RNF125: variants seen among roughly 807,000 people sequenced by gnomAD.
RNF125 encodes the protein ring finger protein 125, also known as E3 ubiquitin-protein ligase RNF125.
In RNF125, 21 loss-of-function variants were observed where a neutral mutation model predicts 26.0. That is an observed-to-expected ratio of 0.81 (90% CI 0.57 to 1.16). RNF125 has a LOEUF of 1.16. Ranked by LOEUF, RNF125 falls within the 50% of genes most tolerant of loss-of-function variation. RNF125 has a pLI of 0.00. For missense variants in RNF125, 270 were observed against 299.4 expected (o/e 0.90, Z 0.72); for synonymous variants, 95 against 109.2 (o/e 0.87, Z 0.81).
intron 1 of RNF125, 77 bp downstream of exon 1, chr18:32,019,104 A>C: frequency 6.5e-7 from 1 of 1,541,574 alleles, no homozygotes. Context: ...TGGTGTGGGG[A>C]AGGAGGGGGA....
the RNF125 span, among the ~76,000 whole-genome samples, chr18:32,088,346 T>C: frequency 6.6e-6 from 1 of 152,208 alleles, no homozygotes; most frequent in South Asian, 2.1e-4. Flanking sequence ...GTTCACTTCT[T>C]CAAAGGCAAT....
intron 4 of RNF125, among the ~76,000 whole-genome samples, chr18:32,060,859 C>T (rs575536593): frequency 9.9e-5 from 15 of 152,238 alleles, no homozygotes; most frequent in African/African-American, 3.6e-4. Flanking sequence ...CTGAAGACTC[C>T]ACTAGTTGCC....
At chr18:32,030,686 A>G (rs2039084631) in intron 1 of RNF125, among the ~76,000 whole-genome samples, 2 of 152,196 alleles carry the variant, frequency 1.3e-5, no homozygotes, top group Non-Finnish European at 2.9e-5. Flanking sequence ...GGGAATGGGT[A>G]TTTATCAAAT....
the RNF125 span, among the ~76,000 whole-genome samples, chr18:32,083,104 G>A: frequency 2.6e-5 from 4 of 152,184 alleles, no homozygotes; most frequent in East Asian, 5.8e-4. Flanking sequence ...GATGGTACAT[G>A]TCCTGTGTTT....
chr18:32,034,665 C>T (rs2039134658), intron 1 of RNF125, among the ~76,000 whole-genome samples: 1 of 152,036 alleles, frequency 6.6e-6, no homozygotes, highest in Admixed American at 6.6e-5. Context: ...GTAATCCCAG[C>T]ATTTTGGGAG....
intron 4 of RNF125, among the ~76,000 whole-genome samples, chr18:32,059,669 GTAT>G (rs766440116): frequency 7.2e-5 from 11 of 152,212 alleles, no homozygotes; most frequent in African/African-American, 2.4e-4. Context: ...TGTTTGTGGG[GTAT>G]TATTCCAGAA....
intron 1 of RNF125, among the ~76,000 whole-genome samples, chr18:32,026,287 C>T (rs1256848730): frequency 3.5e-5 from 4 of 115,080 alleles, no homozygotes; most frequent in Non-Finnish European, 6.5e-5. Context: ...CTTGCTCTGT[C>T]GTCCAGGCTA....
At chr18:32,073,625 C>G (rs74477752), downstream of RNF125, among the ~76,000 whole-genome samples, 1 of 152,216 alleles carries the variant, frequency 6.6e-6, no homozygotes, top group Non-Finnish European at 1.5e-5. Context: ...TAGATAGATT[C>G]TTCCCCCTGC....
chr18:32,054,947 T>A (rs1213241301), intron 4 of RNF125, among the ~76,000 whole-genome samples: 1 of 152,172 alleles, frequency 6.6e-6, no homozygotes, highest in African/African-American at 2.4e-5. Context: ...CTACTTTAGA[T>A]ATGAAAAATT....
Position 32,071,817 on chromosome 18 carries a change from A to G in RNF125, c.*3433A>G, listed in dbSNP as rs2039536570. 1 of 152,188 alleles carries G rather than the reference A, an allele frequency of 6.6e-6. No individual in the cohort carries two copies. The highest frequency in any genetic ancestry group is 2.4e-5 in the African/African-American group (1 of 41,442). 9.4% of individuals were successfully genotyped at this position (152,188 alleles called of 1,614,324 possible). A position where few individuals can be genotyped will look rare whatever the true frequency, so the allele number is the denominator to read the frequency against. On this transcript the variant is annotated 3_prime_UTR_variant, in exon 6 of 6. Coordinates refer to ENST00000217740, the MANE Select transcript of RNF125 (RefSeq NM_017831.4). Reference sequence around the variant, plus strand: ...GATATTGATTTTAAGTTTGCTTTTCACAGCTGCTAAAAAGTAACAACTGAT... The same window carrying G: ...GATATTGATTTTAAGTTTGCTTTTCGCAGCTGCTAAAAAGTAACAACTGAT...
In RNF125 at chr18:32,070,851, T is replaced by G. The variant is rs964517569; in HGVS notation, c.*2467T>G. The G allele has an allele frequency of 2.6e-5, 4 of 151,290 alleles. No homozygotes were observed. Among genetic ancestry groups the G allele is most frequent in the African/African-American group, 9.7e-5 (4 of 41,126 alleles). The allele number at this position is 151,290 out of a possible 1,614,324, so 9.4% of individuals were successfully genotyped here. ...TCCCGAGTAGCTGGGATTATAGGCA[T>G]GCGCCACCACGCCCTGCTAATTTTG... On this transcript the variant is annotated 3_prime_UTR_variant, in exon 6 of 6. Coordinates refer to ENST00000217740, the MANE Select transcript of RNF125 (RefSeq NM_017831.4).
intron 4 of RNF125, among the ~76,000 whole-genome samples, chr18:32,058,964 G>A (rs2039411440): frequency 2.0e-5 from 3 of 152,106 alleles, no homozygotes; most frequent in African/African-American, 4.8e-5. Flanking sequence ...AATCTCATTC[G>A]TTTTTATGAC....
intron 2 of RNF125, 110 bp from the exon 3 acceptor site, chr18:32,042,069 C>A: frequency 1.4e-6 from 1 of 728,126 alleles, no homozygotes; most frequent in Non-Finnish European, 2.4e-6. Context: ...TCTATTTAGT[C>A]AGTTGATCCC....
chr18:32,038,174 G>C (rs112151377), intron 2 of RNF125, among the ~76,000 whole-genome samples: 2,055 of 150,008 alleles, frequency 0.014, 48 homozygotes, highest in African/African-American at 0.048. Flanking sequence ...TCAGCTTCCC[G>C]AGTAGCTGGG....
chr18:32,038,790 G>C (rs1436758992), intron 2 of RNF125, among the ~76,000 whole-genome samples: 1 of 152,046 alleles, frequency 6.6e-6, no homozygotes, highest in Non-Finnish European at 1.5e-5. Flanking sequence ...ATTTGAGACA[G>C]AGTCGCACTC....
At chr18:32,062,953 C>T (rs2039448139) in intron 4 of RNF125, among the ~76,000 whole-genome samples, 1 of 152,092 alleles carries the variant, frequency 6.6e-6, no homozygotes. Flanking sequence ...GGTGGGGTGG[C>T]TCATGCTTGT....
chr18:32,024,609 ATT>A (rs2039016065), intron 1 of RNF125, among the ~76,000 whole-genome samples: 1 of 151,810 alleles, frequency 6.6e-6, no homozygotes. Flanking sequence ...CCCTGCTAAA[ATT>A]TTATTTTTTT....
At chr18:32,051,615 TAAA>T (rs71177836) in intron 4 of RNF125, among the ~76,000 whole-genome samples, 17 of 78,974 alleles carry the variant, frequency 2.2e-4, no homozygotes, top group African/African-American at 7.3e-4. Flanking sequence ...GACTCAGTCT[TAAA>T]AAAAAAAAAA....
intron 4 of RNF125, among the ~76,000 whole-genome samples, chr18:32,059,011 C>T (rs2039411840): frequency 6.6e-6 from 1 of 152,170 alleles, no homozygotes; most frequent in Non-Finnish European, 1.5e-5. Context: ...TTTCTTTACC[C>T]ACTTGTCTGT....
Sources: gnomAD v4.1 joint callset for allele counts (sites outside exome capture counted in the v4.1 genomes callset) on GRCh38, gnomAD v4.1.1 for gene constraint, MANE v1.5 for transcripts, NCBI Gene and HGNC (gene_info 2026-07-23, HGNC 2026-07-21) for gene names.